Variants in SYT9 observed in about 807,000 individuals in gnomAD.
The protein encoded by SYT9 is synaptotagmin-9.
SYT9 carries 22 observed loss-of-function variants against 48.4 expected under a neutral mutation model. The ratio of observed to expected loss-of-function variants is 0.45; its 90% CI spans 0.32 to 0.65. The LOEUF (loss-of-function observed/expected upper bound fraction) is 0.65, where lower values mean the gene tolerates loss of function less well. SYT9 is among the 30% of genes least tolerant of loss of function. The probability of loss-of-function intolerance (pLI) is 0.03; values close to 1 mark genes in which losing one functional copy is unlikely to be tolerated. For synonymous variants in SYT9, 265 were observed against 245.0 expected (o/e 1.08, Z -0.76); for missense variants, 577 against 622.0 (o/e 0.93, Z 0.77).
intron 6 of SYT9, chr11:7,439,867 A>G (rs894895656): frequency 6.6e-6 from 1 of 152,174 alleles, no homozygotes; most frequent in African/African-American, 2.4e-5. Context: ...TGCTCCCAGA[A>G]AGCTGTTTAT....
chr11:7,282,051 C>T (rs1442740919), intron 1 of SYT9, among the ~76,000 whole-genome samples: 1 of 152,148 alleles, frequency 6.6e-6, no homozygotes, highest in Non-Finnish European at 1.5e-5. Flanking sequence ...AACTGTTCTT[C>T]CTGCTGTGGA....
At chr11:7,256,767 C>T (rs1397223219) in intron 1 of SYT9, among the ~76,000 whole-genome samples, 1 of 152,168 alleles carries the variant, frequency 6.6e-6, no homozygotes, top group Non-Finnish European at 1.5e-5. Flanking sequence ...CATGTTCCAA[C>T]TCCATATTCT....
At chr11:7,247,476 T>TATATATATACACACACATATATATACAC (rs1847804777), upstream of SYT9, among the ~76,000 whole-genome samples, 1 of 149,926 alleles carries the variant, frequency 6.7e-6, no homozygotes, top group Non-Finnish European at 1.5e-5. Context: ...TATATATACA[T>TATATATATACACACACATATATATACAC]ATATATATAC....
Position 7,313,339 on chromosome 11 carries a change from G to A in SYT9, c.498-56G>A. 22 of 1,520,012 alleles carry A rather than the reference G, an allele frequency of 1.4e-5. No homozygotes were observed. In the South Asian group the frequency reaches 2.7e-4, roughly 19 times the overall value. The allele number at this position is 1,520,012 out of a possible 1,614,324, so 94.2% of individuals were successfully genotyped here. On this transcript the variant is annotated intron_variant, in intron 2 of 6. Transcript: ENST00000318881. The stretch of plus-strand genomic sequence containing the variant: ...ACCTACATCCCAGGCAAAAGTTTCT[G>A]AGAGACCCATAGCTAATAAGGTTAT...
intron 6 of SYT9, chr11:7,427,681 A>G (rs1253457690): frequency 6.6e-6 from 1 of 152,224 alleles, no homozygotes; most frequent in Non-Finnish European, 1.5e-5. Flanking sequence ...GAGAAAAATA[A>G]TAGGAATGGG....
At chr11:7,461,026 TA>T (rs1482765615) in intron 6 of SYT9, among the ~76,000 whole-genome samples, 1 of 152,114 alleles carries the variant, frequency 6.6e-6, no homozygotes, top group Non-Finnish European at 1.5e-5. Flanking sequence ...TATGAATTAA[TA>T]AGGCAAGTTT....
chr11:7,279,632 C>T (rs975685342), intron 1 of SYT9, among the ~76,000 whole-genome samples: 1 of 152,168 alleles, frequency 6.6e-6, no homozygotes, highest in African/African-American at 2.4e-5. Context: ...TCTCTGGAGG[C>T]ATAGCCCAGG....
At chr11:7,413,589 C>G (rs1303704229) in intron 3 of SYT9, among the ~76,000 whole-genome samples, 6 of 152,154 alleles carry the variant, frequency 3.9e-5, no homozygotes. Context: ...CCAAACCCCC[C>G]GAGCAGGCTA....
intron 6 of SYT9, chr11:7,427,118 G>GAT (rs1364434179): frequency 1.3e-5 from 2 of 152,102 alleles, no homozygotes; most frequent in East Asian, 1.9e-4. Flanking sequence ...GAATGAATGA[G>GAT]ATATATATAG....
intron 3 of SYT9, among the ~76,000 whole-genome samples, chr11:7,349,180 G>A (rs556416909): frequency 1.3e-5 from 2 of 152,176 alleles, no homozygotes; most frequent in East Asian, 3.9e-4. Flanking sequence ...AACTCCACGA[G>A]CATTGCCGGG....
intron 3 of SYT9, among the ~76,000 whole-genome samples, chr11:7,387,357 A>T (rs2134055046): frequency 6.6e-6 from 1 of 152,266 alleles, no homozygotes; most frequent in African/African-American, 2.4e-5. Flanking sequence ...TAATAAAATA[A>T]AATGTGCTTC....
intron 3 of SYT9, among the ~76,000 whole-genome samples, chr11:7,345,005 C>G (rs1849775780): frequency 6.6e-6 from 1 of 151,872 alleles, no homozygotes; most frequent in South Asian, 2.1e-4. Context: ...GAATCACTTT[C>G]TATTATTTGG....
chr11:7,314,436 G>C lies in SYT9; in HGVS notation c.1044+495G>C, dbSNP rs1462107171. The C allele has an allele frequency of 2.8e-5, 6 of 215,694 alleles. No homozygotes were observed. The Admixed American group carries it at 3.2e-4, about 12-fold the overall frequency. 13.4% of individuals were successfully genotyped at this position (215,694 alleles called of 1,614,324 possible). On this transcript the variant is annotated intron_variant, in intron 3 of 6. Transcript: ENST00000318881. The stretch of plus-strand genomic sequence containing the variant: ...CAGTGGGAGTGGTTGAGAAGAGTTG[G>C]CAACACATTTTTAAATGTAAAACTC...
intron 6 of SYT9, chr11:7,427,746 A>G (rs1847491522): frequency 6.6e-6 from 1 of 152,226 alleles, no homozygotes; most frequent in Non-Finnish European, 1.5e-5. Context: ...TAAAAAATAA[A>G]CTATTTTGAA....
intron 3 of SYT9, among the ~76,000 whole-genome samples, chr11:7,410,482 TTAGCTC>T (rs780418577): frequency 1.7e-4 from 26 of 152,342 alleles, no homozygotes; most frequent in Middle Eastern, 6.8e-3. Flanking sequence ...GTCTCTCTCT[TTAGCTC>T]TAGTTATATT....
intron 1 of SYT9, among the ~76,000 whole-genome samples, chr11:7,288,736 C>G (rs1848644983): frequency 1.3e-5 from 2 of 152,046 alleles, no homozygotes; most frequent in South Asian, 4.1e-4. Flanking sequence ...GTTTTCTTTG[C>G]CTTGTTGTCT....
intron 3 of SYT9, among the ~76,000 whole-genome samples, chr11:7,412,209 G>C (rs1197716609): frequency 6.6e-6 from 1 of 152,152 alleles, no homozygotes; most frequent in African/African-American, 2.4e-5. Context: ...TGTTGCTGTA[G>C]AATTATTGTG....
intron 3 of SYT9, among the ~76,000 whole-genome samples, chr11:7,360,172 C>T (rs1206965167): frequency 3.9e-5 from 6 of 152,016 alleles, no homozygotes; most frequent in South Asian, 4.2e-4. Flanking sequence ...AGGTATGTGG[C>T]GTTATTTCTG....
intron 6 of SYT9, chr11:7,453,970 G>C: frequency 1.0e-6 from 1 of 984,980 alleles, no homozygotes; most frequent in Non-Finnish European, 1.2e-6. Flanking sequence ...CCTTCAGCAG[G>C]CACCCTCTGT....
Sources: allele counts gnomAD v4.1 joint callset (sites outside exome capture counted in the v4.1 genomes callset), GRCh38; gene constraint gnomAD v4.1.1; transcripts MANE v1.5; gene names NCBI Gene and HGNC (gene_info 2026-07-23, HGNC 2026-07-21).